The following ADAMTSL1 variants were observed in gnomAD, a reference collection of about 807,000 sequenced individuals.
ADAMTSL1 encodes ADAMTS-like protein 1.
In ADAMTSL1, 126 loss-of-function variants were observed where a neutral mutation model predicts 201.8. The ratio of observed to expected loss-of-function variants is 0.62; its 90% CI spans 0.54 to 0.72. The LOEUF is 0.72. ADAMTSL1 is among the 30% of genes least tolerant of loss of function. The pLI, the probability that ADAMTSL1 is intolerant of heterozygous loss-of-function variation, is 0.00. For synonymous variants in ADAMTSL1, 1,121 were observed against 903.4 expected, an observed-to-expected ratio of 1.24 and a Z score of -4.32; for missense variants, 2,679 against 2,277.8, an observed-to-expected ratio of 1.18 and a Z score of -3.59.
intron 2 of ADAMTSL1, among the ~76,000 whole-genome samples, chr9:18,378,562 A>G (rs1282193729): frequency 6.6e-6 from 1 of 152,208 alleles, no homozygotes; most frequent in Admixed American, 6.5e-5. Context: ...GCTGAAGTAG[A>G]TCCAAATAAT....
At chr9:18,489,301 A>G (rs912031508) in intron 1 of ADAMTSL1, among the ~76,000 whole-genome samples, 15 of 152,324 alleles carry the variant, frequency 9.8e-5, no homozygotes, top group Middle Eastern at 3.4e-3. Flanking sequence ...TCCCTAAAAC[A>G]GGGATAATAT....
At chr9:17,996,537 A>T (rs762992707) in intron 1 of ADAMTSL1, among the ~76,000 whole-genome samples, 4 of 152,100 alleles carry the variant, frequency 2.6e-5, no homozygotes, top group African/African-American at 4.8e-5. Flanking sequence ...GGAGAACTTT[A>T]CAACACACTG....
chr9:18,086,944 G>A (rs1823794829), intron 1 of ADAMTSL1, among the ~76,000 whole-genome samples: 1 of 152,134 alleles, frequency 6.6e-6, no homozygotes, highest in African/African-American at 2.4e-5. Flanking sequence ...GTTGCTGATT[G>A]CTTGAAATTT....
At chr9:18,796,318 T>A (rs1822414985) in intron 20 of ADAMTSL1, among the ~76,000 whole-genome samples, 1 of 152,140 alleles carries the variant, frequency 6.6e-6, no homozygotes. Context: ...AACTGGAGTC[T>A]CCTAACTCCC....
chr9:18,208,130 T>C (rs1829729707), intron 2 of ADAMTSL1, among the ~76,000 whole-genome samples: 1 of 152,182 alleles, frequency 6.6e-6, no homozygotes, highest in South Asian at 2.1e-4. Context: ...TGAAAACGCT[T>C]AGTCCAGTAT....
chr9:18,270,670 A>T (rs994545768), intron 2 of ADAMTSL1, among the ~76,000 whole-genome samples: 1 of 152,212 alleles, frequency 6.6e-6, no homozygotes, highest in South Asian at 2.1e-4. Flanking sequence ...TTAAACATAT[A>T]TACTTTCAGA....
At chr9:18,818,780 A>G (rs1304821749) in intron 21 of ADAMTSL1, among the ~76,000 whole-genome samples, 1 of 151,892 alleles carries the variant, frequency 6.6e-6, no homozygotes, top group Admixed American at 6.6e-5. Flanking sequence ...ACAGAGCGAG[A>G]CCCTATCTCA....
At chr9:18,013,091 T>A (rs1331808996) in intron 1 of ADAMTSL1, among the ~76,000 whole-genome samples, 1 of 151,994 alleles carries the variant, frequency 6.6e-6, no homozygotes, top group African/African-American at 2.4e-5. Context: ...ATTCCATAAT[T>A]ATTCATCCTG....
chr9:18,723,033 A>G, intron 15 of ADAMTSL1: 1 of 779,930 alleles, frequency 1.3e-6, no homozygotes, highest in South Asian at 1.3e-5. Context: ...GTATCGACTC[A>G]GCATGGAACG....
intron 16 of ADAMTSL1, among the ~76,000 whole-genome samples, chr9:18,760,974 T>G (rs2133660640): frequency 6.6e-6 from 1 of 152,350 alleles, no homozygotes; most frequent in Admixed American, 6.5e-5. Context: ...TCTCCCTCAC[T>G]GGACTGCAAA....
intron 1 of ADAMTSL1, among the ~76,000 whole-genome samples, chr9:18,014,134 A>G (rs1820161872): frequency 6.6e-6 from 1 of 151,984 alleles, no homozygotes; most frequent in Non-Finnish European, 1.5e-5. Flanking sequence ...CCTATTTGTG[A>G]TCTTGCCTCT....
At chr9:18,719,156 C>G (rs890880837) in intron 14 of ADAMTSL1, among the ~76,000 whole-genome samples, 4 of 152,076 alleles carry the variant, frequency 2.6e-5, no homozygotes, top group Non-Finnish European at 4.4e-5. Context: ...AAGAGAACAC[C>G]CTGCAGTCAG....
intron 13 of ADAMTSL1, among the ~76,000 whole-genome samples, chr9:18,688,732 T>G (rs1831027700): frequency 9.0e-6 from 1 of 110,930 alleles, no homozygotes; most frequent in African/African-American, 3.4e-5. Context: ...GAATGCCTAA[T>G]CTCCTGGGAA....
chr9:18,150,739 C>A (rs1254495599), intron 1 of ADAMTSL1, among the ~76,000 whole-genome samples: 1 of 151,590 alleles, frequency 6.6e-6, no homozygotes, highest in East Asian at 1.9e-4. Flanking sequence ...GGAATGAGAT[C>A]CCTTTGGGGA....
At chr9:18,486,918 C>G (rs1232653763) in intron 1 of ADAMTSL1, among the ~76,000 whole-genome samples, 3 of 152,200 alleles carry the variant, frequency 2.0e-5, no homozygotes, top group Admixed American at 2.0e-4. Context: ...AATTACGAAT[C>G]TTTACATGGG....
At chr9:18,090,423 G>C (rs1205809312) in intron 1 of ADAMTSL1, among the ~76,000 whole-genome samples, 7 of 152,120 alleles carry the variant, frequency 4.6e-5, no homozygotes, top group Non-Finnish European at 1.5e-5. Context: ...GCCTTAAAAA[G>C]GAAATTCTGA....
chr9:18,063,961 A>C (rs1462685126), intron 1 of ADAMTSL1, among the ~76,000 whole-genome samples: 3 of 152,092 alleles, frequency 2.0e-5, no homozygotes, highest in Non-Finnish European at 4.4e-5. Context: ...CACAGGACTC[A>C]CATTTTATCC....
At chr9:18,536,522 A>G (rs982601915) in intron 3 of ADAMTSL1, among the ~76,000 whole-genome samples, 1 of 151,974 alleles carries the variant, frequency 6.6e-6, no homozygotes, top group East Asian at 1.9e-4. Context: ...TAGTATGTCA[A>G]TACAAGAAAG....
chr9:18,404,424 G>T lies in ADAMTSL1; in HGVS notation c.208-100405G>T, dbSNP rs141411915. 2.6e-5 allele frequency among the ~76,000 whole-genome samples: 4 copies of T among 152,116 alleles called. No homozygotes were observed. In the South Asian group the frequency reaches 6.2e-4, roughly 24 times the overall value. On this transcript the variant is annotated intron_variant, in intron 2 of 29. Transcript: ENST00000680146. ...ATAGCTCAAAGAATGCAGGTTTTAC[G>T]CATTTCTTTCTAACTGCTTTGAACC...
Sources: gnomAD v4.1 joint callset for allele counts (sites outside exome capture counted in the v4.1 genomes callset) on GRCh38, gnomAD v4.1.1 for gene constraint, MANE v1.5 for transcripts, NCBI Gene and HGNC (gene_info 2026-07-23, HGNC 2026-07-21) for gene names.